PTPN12: variants seen among roughly 807,000 people sequenced by gnomAD.
The protein encoded by PTPN12 is tyrosine-protein phosphatase non-receptor type 12.
In PTPN12, 29 loss-of-function variants were observed where a neutral mutation model predicts 97.6. That is an observed-to-expected ratio of 0.30 (90% CI 0.22 to 0.41). PTPN12 has a LOEUF of 0.41. Ranked by LOEUF, PTPN12 falls within the 10% of genes least tolerant of loss-of-function variation. The pLI is 1.00. For synonymous variants in PTPN12, 327 were observed against 300.4 expected (o/e 1.09, Z -0.91); for missense variants, 819 against 926.0 (o/e 0.88, Z 1.50).
At position 77,625,472 on chromosome 7, in the gene PTPN12, G is replaced by GCTCGCGCGCGCGCTCTCTCTCTCT; in HGVS notation, c.1026-1230_1026-1229insGCGCGCGCGCTCTCTCTCTCTCTC. On this transcript the variant is annotated intron_variant, in intron 12 of 17. Transcript: ENST00000248594. ...TTTTGCCATATTGCCCAGGCTGCTC[G>GCTCGCGCGCGCGCTCTCTCTCTCT]CTCTCTCTCTCTCTCTCTCTCTCTC... Among the ~76,000 whole-genome samples, 17 of 33,524 alleles carry GCTCGCGCGCGCGCTCTCTCTCTCT rather than the reference G, an allele frequency of 5.1e-4. 1 individual carries two copies. Among genetic ancestry groups the GCTCGCGCGCGCGCTCTCTCTCTCT allele is most frequent in the Non-Finnish European group, 7.5e-4 (15 of 20,020 alleles). The allele number at this position is 33,524 out of a possible 152,430, so 22.0% of individuals were successfully genotyped here.
rs576481984 is a variant in PTPN12, at chr7:77,620,117, G to T, written c.1025+1552G>T. Among the ~76,000 whole-genome samples, 235 of 152,222 alleles carry T rather than the reference G, an allele frequency of 1.5e-3. 1 individual carries two copies. The highest frequency in any genetic ancestry group is 5.3e-3 in the African/African-American group (219 of 41,536). On this transcript the variant is annotated intron_variant, in intron 12 of 17. Coordinates refer to ENST00000248594, the MANE Select transcript of PTPN12 (RefSeq NM_002835.4). ...TTTTGCTGCCCTGTGTTTTAATTTG[G>T]TTTTTGAGATTGAGCCAATATAGAG...
At chr7:77,623,137 T>C (rs537164686) in intron 12 of PTPN12, among the ~76,000 whole-genome samples, 17 of 152,232 alleles carry the variant, frequency 1.1e-4, no homozygotes, top group South Asian at 8.3e-4. Context: ...TTAAAAAATA[T>C]AGTTTTTTAA....
chr7:77,570,179 T>G (rs1368500948), intron 1 of PTPN12, among the ~76,000 whole-genome samples: 1 of 152,204 alleles, frequency 6.6e-6, no homozygotes, highest in African/African-American at 2.4e-5. Flanking sequence ...ATTGTGATGA[T>G]AAAATTTAGT....
intron 1 of PTPN12, among the ~76,000 whole-genome samples, chr7:77,556,285 A>T (rs937955883): frequency 2.6e-5 from 4 of 151,876 alleles, no homozygotes; most frequent in African/African-American, 9.7e-5. Flanking sequence ...CTGGTCTCGA[A>T]CTCCTGGGCT....
At chr7:77,556,794 C>T (rs1006441054) in intron 1 of PTPN12, among the ~76,000 whole-genome samples, 1 of 152,026 alleles carries the variant, frequency 6.6e-6, no homozygotes. Flanking sequence ...CGCACCACTG[C>T]ACTCCAGCCT....
chr7:77,608,474 AAAAC>A (rs896525302), intron 9 of PTPN12, among the ~76,000 whole-genome samples: 9 of 152,192 alleles, frequency 5.9e-5, no homozygotes, highest in Admixed American at 5.9e-4. Flanking sequence ...ATAGATTTGA[AAAAC>A]AAGTCTCTTC....
intron 1 of PTPN12, among the ~76,000 whole-genome samples, chr7:77,544,028 C>CT (rs1807109480): frequency 6.6e-6 from 1 of 152,114 alleles, no homozygotes; most frequent in Non-Finnish European, 1.5e-5. Context: ...GGGTATATAT[C>CT]TAAGTGTGGA....
intron 6 of PTPN12, among the ~76,000 whole-genome samples, chr7:77,596,342 C>CT (rs1788021979): frequency 1.3e-5 from 2 of 151,698 alleles, no homozygotes; most frequent in South Asian, 4.2e-4. Context: ...TTGTTTGGGT[C>CT]TATCTGTTAG....
chr7:77,557,936 C>T (rs1373447022), intron 1 of PTPN12, among the ~76,000 whole-genome samples: 3 of 152,014 alleles, frequency 2.0e-5, no homozygotes, highest in Non-Finnish European at 4.4e-5. Context: ...AGCGGCCGGG[C>T]GTGGTGGCTC....
intron 1 of PTPN12, among the ~76,000 whole-genome samples, chr7:77,569,152 A>G (rs906395137): frequency 6.6e-6 from 1 of 152,134 alleles, no homozygotes; most frequent in African/African-American, 2.4e-5. Context: ...TCCCTTCCCC[A>G]CAGACACATA....
chr7:77,596,499 A>G (rs1313575114), intron 6 of PTPN12, among the ~76,000 whole-genome samples: 1 of 152,144 alleles, frequency 6.6e-6, no homozygotes, highest in Non-Finnish European at 1.5e-5. Flanking sequence ...CCTTGGCCTC[A>G]CTGCTGGGCT....
At chr7:77,549,959 C>G (rs937664923) in intron 1 of PTPN12, among the ~76,000 whole-genome samples, 1 of 152,166 alleles carries the variant, frequency 6.6e-6, no homozygotes, top group Non-Finnish European at 1.5e-5. Flanking sequence ...ATCTGAAAAA[C>G]TAACATATTT....
intron 6 of PTPN12, among the ~76,000 whole-genome samples, chr7:77,594,481 T>C (rs1292069602): frequency 6.6e-6 from 1 of 152,174 alleles, no homozygotes; most frequent in Non-Finnish European, 1.5e-5. Flanking sequence ...ATGGTTGTTT[T>C]GGACATTTGT....
intron 3 of PTPN12, among the ~76,000 whole-genome samples, chr7:77,582,696 A>G (rs1787561219): frequency 6.6e-6 from 1 of 151,780 alleles, no homozygotes; most frequent in South Asian, 2.1e-4. Flanking sequence ...AGGCAGGAGA[A>G]TCGCCTGAAC....
chr7:77,554,636 A>C (rs955146057), intron 1 of PTPN12, among the ~76,000 whole-genome samples: 1 of 152,154 alleles, frequency 6.6e-6, no homozygotes, highest in Non-Finnish European at 1.5e-5. Flanking sequence ...TAAAAAATTT[A>C]TTTTAACATT....
intron 6 of PTPN12, among the ~76,000 whole-genome samples, chr7:77,596,549 C>A (rs1260881593): frequency 1.3e-5 from 2 of 152,090 alleles, no homozygotes; most frequent in Admixed American, 1.3e-4. Flanking sequence ...TAGCTGAGAG[C>A]ACAGGCTTAC....
At position 77,639,837 on chromosome 7, in the gene PTPN12, A is replaced by G. The variant is rs1466695396; in HGVS notation, c.*557A>G. The G allele has an allele frequency of 6.6e-6, 1 of 152,658 alleles. No individual in the cohort carries two copies. Among genetic ancestry groups the G allele is most frequent in the Non-Finnish European group, 1.5e-5 (1 of 68,080 alleles). 9.5% of individuals were successfully genotyped at this position (152,658 alleles called of 1,614,324 possible). The stretch of plus-strand genomic sequence containing the variant: ...AAAGATTGTAATAATAATTTTGTAA[A>G]TTGTAAGCAAAAAGTTATTTTTATA... On this transcript the variant is annotated 3_prime_UTR_variant, in exon 18 of 18. Transcript: ENST00000248594.
chr7:77,553,412 G>A (rs934447775), intron 1 of PTPN12, among the ~76,000 whole-genome samples: 1 of 152,114 alleles, frequency 6.6e-6, no homozygotes, highest in Non-Finnish European at 1.5e-5. Context: ...TATAATAGTG[G>A]ATTCAAATAT....
intron 1 of PTPN12, among the ~76,000 whole-genome samples, chr7:77,562,033 G>T (rs991911712): frequency 2.0e-5 from 3 of 150,086 alleles, no homozygotes; most frequent in Admixed American, 6.7e-5. Flanking sequence ...CTCATGATCT[G>T]CCCGCCTCGG....
Sources: allele counts gnomAD v4.1 joint callset (sites outside exome capture counted in the v4.1 genomes callset), GRCh38; gene constraint gnomAD v4.1.1; transcripts MANE v1.5; gene names NCBI Gene and HGNC (gene_info 2026-07-23, HGNC 2026-07-21).